Variants in MEGF10 observed in about 807,000 individuals in gnomAD.
The protein encoded by MEGF10 is multiple epidermal growth factor-like domains protein 10.
In MEGF10, 86 loss-of-function variants were observed where a neutral mutation model predicts 147.5. That is an observed-to-expected ratio of 0.58 (90% CI 0.49 to 0.70). MEGF10 has a LOEUF of 0.70. Ranked by LOEUF, MEGF10 falls within the 30% of genes least tolerant of loss-of-function variation. MEGF10 has a pLI of 0.00. For missense variants in MEGF10, 1,329 were observed against 1,487.3 expected, an observed-to-expected ratio of 0.89 and a Z score of 1.75; for synonymous variants, 478 against 525.5, an observed-to-expected ratio of 0.91 and a Z score of 1.24.
intron 4 of MEGF10, among the ~76,000 whole-genome samples, chr5:127,361,064 G>A (rs1762454587): frequency 1.3e-5 from 2 of 151,930 alleles, no homozygotes; most frequent in Non-Finnish European, 2.9e-5. Flanking sequence ...CAGTTGGGAA[G>A]CTGGGAAGTA....
intron 5 of MEGF10, among the ~76,000 whole-genome samples, chr5:127,381,359 C>T (rs1279561049): frequency 6.6e-6 from 1 of 151,480 alleles, no homozygotes; most frequent in Non-Finnish European, 1.5e-5. Flanking sequence ...AATGTTTGTA[C>T]AGGGAGCAGA....
chr5:127,349,268 C>T (rs1762004318), intron 4 of MEGF10, among the ~76,000 whole-genome samples: 1 of 152,118 alleles, frequency 6.6e-6, no homozygotes, highest in African/African-American at 2.4e-5. Context: ...AGCATCACCT[C>T]ATAATTTTTG....
At chr5:127,303,749 T>A (rs1443327180) in intron 1 of MEGF10, among the ~76,000 whole-genome samples, 1 of 152,184 alleles carries the variant, frequency 6.6e-6, no homozygotes, top group Non-Finnish European at 1.5e-5. Flanking sequence ...TAGAATGTAG[T>A]GGGGTATGGG....
upstream of MEGF10, among the ~76,000 whole-genome samples, chr5:127,288,628 C>G (rs1052692260): frequency 9.9e-5 from 15 of 152,120 alleles, no homozygotes; most frequent in African/African-American, 3.6e-4. Flanking sequence ...ATTATCATAT[C>G]TTGCTGGTGA....
chr5:127,375,249 T>C (rs1762981630), intron 5 of MEGF10, among the ~76,000 whole-genome samples: 1 of 152,004 alleles, frequency 6.6e-6, no homozygotes, highest in Admixed American at 6.6e-5. Flanking sequence ...CTAAAATACA[T>C]GGGTGATTAA....
intron 1 of MEGF10, among the ~76,000 whole-genome samples, chr5:127,306,576 T>G (rs1760022235): frequency 1.3e-5 from 2 of 152,326 alleles, no homozygotes; most frequent in Admixed American, 1.3e-4. Flanking sequence ...CCTCACAGCT[T>G]GGCTCCAGCT....
chr5:127,266,997 G>T, the MEGF10 span, among the ~76,000 whole-genome samples: 1 of 152,164 alleles, frequency 6.6e-6, no homozygotes, highest in Non-Finnish European at 1.5e-5. Context: ...CCTGTCTTGT[G>T]CCAGTTTTCA....
At chr5:127,301,626 C>T (rs1759776984) in intron 1 of MEGF10, among the ~76,000 whole-genome samples, 1 of 152,166 alleles carries the variant, frequency 6.6e-6, no homozygotes, top group Admixed American at 6.5e-5. Context: ...ACAAACTGGG[C>T]TGGAATCCCT....
At chr5:127,344,651 A>C (rs76290412) in intron 4 of MEGF10, among the ~76,000 whole-genome samples, 4,408 of 152,172 alleles carry the variant, frequency 0.029, 114 homozygotes, top group Middle Eastern at 0.099. Flanking sequence ...AATAATTTCG[A>C]CTTGAAAAAA....
At chr5:127,374,846 A>G (rs933889843) in intron 5 of MEGF10, among the ~76,000 whole-genome samples, 1 of 152,206 alleles carries the variant, frequency 6.6e-6, no homozygotes, top group African/African-American at 2.4e-5. Context: ...GGTAACTGAT[A>G]TCTATGGCTT....
At chr5:127,456,902 T>C (rs1011660169) in intron 24 of MEGF10, among the ~76,000 whole-genome samples, 5 of 152,238 alleles carry the variant, frequency 3.3e-5, no homozygotes, top group African/African-American at 1.2e-4. Context: ...ATCCCGATTA[T>C]GTGGTCCTCC....
chr5:127,402,102 A>T (rs1340970540), intron 7 of MEGF10, among the ~76,000 whole-genome samples: 1 of 152,240 alleles, frequency 6.6e-6, no homozygotes, highest in Non-Finnish European at 1.5e-5. Context: ...TCTAGAACAC[A>T]TGGTAAAGCA....
rs1283435714 is a variant in MEGF10 at position 127,396,731 on chromosome 5, C to T, written c.612C>T (p.Asp204=). The change falls in exon 6 of 25, where the codon GAC becomes GAT. Residue 204 remains aspartate (D), a synonymous_variant. Coordinates refer to ENST00000503335, the MANE Select transcript of MEGF10 (RefSeq NM_001256545.2). ...AGTGCCAGAATGGAGCCACCTGCGA[C>T]CACGTCACGGGGGAATGCCGCTGCC... The part of the protein sequence containing the change: ...RCQCQNGATC[D]HVTGECRCPP... 1 of 1,614,100 alleles carries T rather than the reference C, an allele frequency of 6.2e-7. No individual in the cohort carries two copies. Among genetic ancestry groups the T allele is most frequent in the South Asian group, 1.1e-5 (1 of 91,086 alleles).
intron 10 of MEGF10, 87 bp downstream of exon 10, chr5:127,417,899 T>C (rs1262501125): frequency 1.5e-6 from 2 of 1,372,404 alleles, no homozygotes; most frequent in African/African-American, 2.9e-5. Context: ...TCCAGTGAAA[T>C]ACAGTGAATG....
At chr5:127,296,662 G>C in intron 1 of MEGF10, among the ~76,000 whole-genome samples, 1 of 152,094 alleles carries the variant, frequency 6.6e-6, no homozygotes. Flanking sequence ...TGGATCTTTT[G>C]AATACCTTCT....
rs1414485774 is a variant in MEGF10, at chr5:127,391,074, ATACATACACACATGCGCGCGCGCGCGCG to A, written c.413-5457_413-5430del. Among the ~76,000 whole-genome samples, 677 of 147,682 alleles carry A rather than the reference ATACATACACACATGCGCGCGCGCGCGCG, an allele frequency of 4.6e-3. 12 individuals are homozygous for A. In the Middle Eastern group the frequency reaches 0.055, roughly 12 times the overall value. On this transcript the variant is annotated intron_variant, in intron 5 of 24. Transcript: ENST00000503335. ...TTATTGTCTTTATGTGTATATATAC[ATACATACACACATGCGCGCGCGCGCGCG>A]CACACACACACACACACACACACAC...
At chr5:127,419,959 T>C in intron 11 of MEGF10, 85 bp from the exon 12 acceptor site, 2 of 1,497,028 alleles carry the variant, frequency 1.3e-6, no homozygotes, top group Non-Finnish European at 1.8e-6. Context: ...AAGGCGTTTC[T>C]AAAGAGAAAC....
chr5:127,336,150 T>C (rs997779777), intron 2 of MEGF10, among the ~76,000 whole-genome samples: 1 of 151,522 alleles, frequency 6.6e-6, no homozygotes, highest in African/African-American at 2.4e-5. Flanking sequence ...TTAGTTGTAC[T>C]ATAGTTTAAT....
At chr5:127,275,233 A>T in the MEGF10 span, among the ~76,000 whole-genome samples, 1 of 152,220 alleles carries the variant, frequency 6.6e-6, no homozygotes, top group Non-Finnish European at 1.5e-5. Flanking sequence ...CTGTTTTATA[A>T]GAAGGGATCA....
Sources: allele counts gnomAD v4.1 joint callset (sites outside exome capture counted in the v4.1 genomes callset), GRCh38; gene constraint gnomAD v4.1.1; transcripts MANE v1.5; gene names NCBI Gene and HGNC (gene_info 2026-07-23, HGNC 2026-07-21).